The following LUZP2 variants were observed in gnomAD, a reference collection of about 807,000 sequenced individuals.
LUZP2 encodes leucine zipper protein 2.
Under a neutral mutation model 51.6 loss-of-function variants are expected in LUZP2, and 52 were observed. The ratio of observed to expected loss-of-function variants is 1.01; its 90% CI spans 0.81 to 1.27. LUZP2 has a LOEUF of 1.27. LUZP2 is among the 50% of genes most tolerant of loss of function. The pLI is 0.00. For synonymous variants in LUZP2, 154 were observed against 137.3 expected (o/e 1.12, Z -0.85); for missense variants, 436 against 395.4 (o/e 1.10, Z -0.87).
At chr11:25,073,196 G>A (rs949173313) in intron 10 of LUZP2, among the ~76,000 whole-genome samples, 2 of 152,142 alleles carry the variant, frequency 1.3e-5, no homozygotes, top group African/African-American at 4.8e-5. Flanking sequence ...CTGTTATCTA[G>A]ATTTTGCTTT....
intron 1 of LUZP2, among the ~76,000 whole-genome samples, chr11:24,530,138 C>G (rs892794058): frequency 1.3e-5 from 2 of 150,642 alleles, no homozygotes; most frequent in Admixed American, 1.3e-4. Context: ...TTATTTAATT[C>G]AATCAAAAGC....
At chr11:24,963,720 A>T (rs905741556) in intron 7 of LUZP2, among the ~76,000 whole-genome samples, 1 of 152,112 alleles carries the variant, frequency 6.6e-6, no homozygotes, top group African/African-American at 2.4e-5. Flanking sequence ...GTGCTTCCCG[A>T]GTGAGGCAAT....
intron 4 of LUZP2, among the ~76,000 whole-genome samples, chr11:24,752,503 A>G (rs1859628823): frequency 1.3e-5 from 2 of 152,224 alleles, no homozygotes; most frequent in Admixed American, 1.3e-4. Flanking sequence ...GAGGATTAAT[A>G]GTGAACAAAT....
chr11:25,033,968 T>G (rs1857777219), intron 9 of LUZP2, among the ~76,000 whole-genome samples: 1 of 152,144 alleles, frequency 6.6e-6, no homozygotes, highest in South Asian at 2.1e-4. Flanking sequence ...CTGGGTCAAA[T>G]GGTGGCTATA....
At chr11:25,034,661 C>T (rs1857794267) in intron 9 of LUZP2, among the ~76,000 whole-genome samples, 1 of 152,110 alleles carries the variant, frequency 6.6e-6, no homozygotes, top group Non-Finnish European at 1.5e-5. Flanking sequence ...ATCCCAGTTC[C>T]ATTTATTGAA....
intron 5 of LUZP2, among the ~76,000 whole-genome samples, chr11:24,778,455 A>G (rs1227010823): frequency 3.3e-5 from 5 of 152,046 alleles, no homozygotes; most frequent in African/African-American, 1.2e-4. Context: ...AAATTTATAC[A>G]ATTTGTAATA....
At chr11:24,916,253 C>T (rs929091710) in intron 7 of LUZP2, among the ~76,000 whole-genome samples, 1 of 152,028 alleles carries the variant, frequency 6.6e-6, no homozygotes, top group Admixed American at 6.6e-5. Flanking sequence ...TACTTTATAT[C>T]CTCCTTGATT....
chr11:24,539,724 T>C (rs1222667611), intron 1 of LUZP2, among the ~76,000 whole-genome samples: 2 of 152,088 alleles, frequency 1.3e-5, no homozygotes, highest in African/African-American at 4.8e-5. Context: ...TAACCTACAA[T>C]GCCTTTTAGC....
intron 1 of LUZP2, among the ~76,000 whole-genome samples, chr11:24,605,732 C>T (rs959105981): frequency 6.6e-6 from 1 of 151,720 alleles, no homozygotes; most frequent in African/African-American, 2.4e-5. Context: ...CATTTGTATA[C>T]TTAAGATATA....
At chr11:24,975,121 C>T (rs1231176399) in intron 7 of LUZP2, among the ~76,000 whole-genome samples, 1 of 151,976 alleles carries the variant, frequency 6.6e-6, no homozygotes, top group Non-Finnish European at 1.5e-5. Flanking sequence ...TCTAGCTTCA[C>T]TTTCTTGATA....
chr11:25,026,538 A>T lies in LUZP2; in HGVS notation c.766-23500A>T, dbSNP rs112102609. Among the ~76,000 whole-genome samples, 21 of 64,090 alleles carry T rather than the reference A, an allele frequency of 3.3e-4. No individual in the cohort carries two copies. In the East Asian group the frequency reaches 0.048, roughly 147 times the overall value. The allele number at this position is 64,090 out of a possible 152,430, so 42.0% of individuals were successfully genotyped here. On this transcript the variant is annotated intron_variant, in intron 9 of 11. Transcript: ENST00000336930. Reference sequence around the variant, plus strand: ...AAGCTTATTGCCTTAAAATGTGATTATTTTTTTCTAATTAATTTTTACAAA... The same window carrying T: ...AAGCTTATTGCCTTAAAATGTGATTTTTTTTTTCTAATTAATTTTTACAAA...
At chr11:24,917,437 A>T (rs1162590914) in intron 7 of LUZP2, among the ~76,000 whole-genome samples, 1 of 152,158 alleles carries the variant, frequency 6.6e-6, no homozygotes, top group Non-Finnish European at 1.5e-5. Flanking sequence ...GGTATTGCCT[A>T]GGTTTTCTTC....
At chr11:24,796,325 A>G (rs1035013569) in intron 5 of LUZP2, among the ~76,000 whole-genome samples, 1 of 152,094 alleles carries the variant, frequency 6.6e-6, no homozygotes. Flanking sequence ...ACTTTCCTCT[A>G]TTCTCTGCCA....
At chr11:24,606,060 A>T (rs368003628) in intron 1 of LUZP2, among the ~76,000 whole-genome samples, 3 of 151,828 alleles carry the variant, frequency 2.0e-5, no homozygotes, top group East Asian at 3.9e-4. Context: ...GCTGAATAAT[A>T]CTCTACTGTG....
chr11:24,853,351 T>C (rs1483185757), intron 5 of LUZP2, among the ~76,000 whole-genome samples: 1 of 152,050 alleles, frequency 6.6e-6, no homozygotes, highest in East Asian at 1.9e-4. Context: ...TTGCTGGATA[T>C]AAAATTCTTC....
intron 5 of LUZP2, among the ~76,000 whole-genome samples, chr11:24,845,880 T>C (rs2134210008): frequency 6.6e-6 from 1 of 152,260 alleles, no homozygotes; most frequent in South Asian, 2.1e-4. Flanking sequence ...GTCTCAGGTA[T>C]GTTTTTATCA....
chr11:24,504,423 T>C (rs1850090484), intron 1 of LUZP2, among the ~76,000 whole-genome samples: 2 of 152,262 alleles, frequency 1.3e-5, no homozygotes, highest in South Asian at 4.1e-4. Flanking sequence ...CAGATGGTTG[T>C]AGAATATTCC....
At chr11:24,629,769 A>G (rs540338342) in intron 1 of LUZP2, among the ~76,000 whole-genome samples, 2 of 151,866 alleles carry the variant, frequency 1.3e-5, no homozygotes, top group Non-Finnish European at 2.9e-5. Flanking sequence ...AGCAATCTTC[A>G]TACTGTTTGT....
chr11:24,983,169 T>A lies in LUZP2; in HGVS notation c.641T>A (p.Leu214Ter), dbSNP rs1354390065. Residue 214 changes from leucine (L) to a stop codon, truncating the protein, a stop_gained, in exon 9 of 12, where the codon TTG becomes TAG. Transcript: ENST00000336930. LOFTEE classifies it high-confidence loss of function. ...ATGAAAGAGACTGTGCAGCTCTGCT[T>A]GACATCTGTTTTCCGTGATCAGCCT... ...KAMKETVQLC[L>*]TSVFRDQPPP... is the part of the protein sequence containing the mutation. The A allele has an allele frequency of 6.2e-7, 1 of 1,612,314 alleles. No homozygotes were observed. The highest frequency in any genetic ancestry group is 8.5e-7 in the Non-Finnish European group (1 of 1,178,884).
Sources: allele counts gnomAD v4.1 joint callset (sites outside exome capture counted in the v4.1 genomes callset), GRCh38; gene constraint gnomAD v4.1.1; transcripts MANE v1.5; gene names NCBI Gene and HGNC (gene_info 2026-07-23, HGNC 2026-07-21).